Variants in SORCS2 observed in about 807,000 individuals in gnomAD.
SORCS2 encodes VPS10 domain-containing receptor SorCS2.
Under a neutral mutation model 141.6 loss-of-function variants are expected in SORCS2, and 100 were observed. That is an observed-to-expected ratio of 0.71 (90% CI 0.60 to 0.83). The LOEUF is 0.83. Among genes scored for constraint, SORCS2 ranks in the 40% least tolerant of loss-of-function variants. SORCS2 has a pLI of 0.00. For missense variants in SORCS2, 1,646 were observed against 1,560.2 expected, an observed-to-expected ratio of 1.05 and a Z score of -0.93; for synonymous variants, 789 against 676.9, an observed-to-expected ratio of 1.17 and a Z score of -2.57.
chr4:7,303,061 C>G (rs915849710), intron 1 of SORCS2, among the ~76,000 whole-genome samples: 4 of 152,262 alleles, frequency 2.6e-5, no homozygotes, highest in Middle Eastern at 3.4e-3. Context: ...GGCCAGTGCT[C>G]TGGGCCACTC....
intron 2 of SORCS2, chr4:7,430,874 A>C (rs1726798713): frequency 2.0e-5 from 3 of 152,218 alleles, no homozygotes; most frequent in Non-Finnish European, 4.4e-5. Flanking sequence ...CTTAAGCCTC[A>C]GTCTCAGTGC....
At chr4:7,328,600 C>T (rs1434524337) in intron 1 of SORCS2, among the ~76,000 whole-genome samples, 4 of 152,162 alleles carry the variant, frequency 2.6e-5, no homozygotes, top group African/African-American at 4.8e-5. Flanking sequence ...ATGCGAGAAG[C>T]GTTTCTGGAG....
chr4:7,404,599 T>C (rs995294215), intron 2 of SORCS2, among the ~76,000 whole-genome samples: 1 of 152,168 alleles, frequency 6.6e-6, no homozygotes, highest in Non-Finnish European at 1.5e-5. Context: ...TCTCTGATGA[T>C]TGGTGATGTT....
At chr4:7,259,871 C>T (rs1180036350) in intron 1 of SORCS2, among the ~76,000 whole-genome samples, 5 of 152,220 alleles carry the variant, frequency 3.3e-5, no homozygotes, top group South Asian at 2.1e-4. Flanking sequence ...TTTGCTCATG[C>T]GTGGAGCTGA....
At chr4:7,464,897 C>G (rs912454463) in intron 2 of SORCS2, among the ~76,000 whole-genome samples, 1 of 152,200 alleles carries the variant, frequency 6.6e-6, no homozygotes, top group East Asian at 1.9e-4. Flanking sequence ...TTCTAAAAGC[C>G]GGCGCCTCCG....
In SORCS2 at chr4:7,705,807, C is replaced by A. The variant is rs371853971; in HGVS notation, c.1868+1523C>A. Reference sequence around the variant, plus strand: ...TGGCCCCTGAATGCCCCAGAGGGGCCCACGTGGATAAGCCGCCCAAGAGTG... The same window carrying A: ...TGGCCCCTGAATGCCCCAGAGGGGCACACGTGGATAAGCCGCCCAAGAGTG... On this transcript the variant is annotated intron_variant, in intron 14 of 26. Coordinates refer to ENST00000507866, the MANE Select transcript of SORCS2 (RefSeq NM_020777.3). Among the ~76,000 whole-genome samples, 5 of 152,268 alleles carry A rather than the reference C, an allele frequency of 3.3e-5. No individual in the cohort carries two copies. The East Asian group carries it at 7.7e-4, about 23-fold the overall frequency.
At chr4:7,462,390 G>T (rs1729365708) in intron 2 of SORCS2, among the ~76,000 whole-genome samples, 1 of 152,222 alleles carries the variant, frequency 6.6e-6, no homozygotes, top group Non-Finnish European at 1.5e-5. Flanking sequence ...CGGGCTTCGG[G>T]AGGCTGGGAG....
intron 2 of SORCS2, among the ~76,000 whole-genome samples, chr4:7,445,106 G>C (rs1727903691): frequency 6.8e-6 from 1 of 146,002 alleles, no homozygotes; most frequent in South Asian, 2.1e-4. Context: ...TGCAAGATGG[G>C]CTGGCTGTCT....
intron 14 of SORCS2, among the ~76,000 whole-genome samples, chr4:7,710,381 G>A (rs1463461586): frequency 1.3e-5 from 2 of 152,184 alleles, no homozygotes; most frequent in Non-Finnish European, 1.5e-5. Context: ...GGTCACGCCT[G>A]GGCCCGGCCT....
At chr4:7,538,286 C>T (rs1358307739) in intron 3 of SORCS2, among the ~76,000 whole-genome samples, 2 of 152,224 alleles carry the variant, frequency 1.3e-5, no homozygotes, top group Non-Finnish European at 2.9e-5. Flanking sequence ...GCAGAATCAG[C>T]AGTCCCTGGC....
At chr4:7,382,832 CA>C (rs1284567587) in intron 1 of SORCS2, among the ~76,000 whole-genome samples, 2 of 152,120 alleles carry the variant, frequency 1.3e-5, no homozygotes, top group Non-Finnish European at 2.9e-5. Flanking sequence ...CTGCGGGGCC[CA>C]CGCCTCCTGC....
At chr4:7,674,572 TCAAAATAAA>T in intron 8 of SORCS2, among the ~76,000 whole-genome samples, 1 of 87,130 alleles carries the variant, frequency 1.1e-5, no homozygotes, top group Admixed American at 1.4e-4. Context: ...AGACTCTGTC[TCAAAATAAA>T]AAAAAAAAAA....
In SORCS2 at chr4:7,233,494, CTCAGGGTGAGCAGACACTTGCTGGGT is replaced by C. The variant is rs956288047; in HGVS notation, c.480+40387_480+40412del. Among the ~76,000 whole-genome samples the C allele has an allele frequency of 3.3e-5, 5 of 152,154 alleles. No individual in the cohort carries two copies. Among genetic ancestry groups the C allele is most frequent in the South Asian group, 4.1e-4 (2 of 4,826 alleles). On this transcript the variant is annotated intron_variant, in intron 1 of 26. Transcript: ENST00000507866. This position sits in a 1 kb window ranked among gnomAD's most constrained non-coding sequence, Gnocchi z 4.5. ...CAGTGCAGTACAGACCCTCGCTGGG[CTCAGGGTGAGCAGACACTTGCTGGGT>C]TCAGGGTGAGCAGACACTGGCAGCT...
chr4:7,437,476 C>T (rs1727384313), intron 2 of SORCS2, among the ~76,000 whole-genome samples: 1 of 152,106 alleles, frequency 6.6e-6, no homozygotes, highest in African/African-American at 2.4e-5. Flanking sequence ...CTCCAGCAGC[C>T]CCCACCCCTT....
At chr4:7,668,612 C>T (rs765751297) in intron 8 of SORCS2, among the ~76,000 whole-genome samples, 2 of 152,086 alleles carry the variant, frequency 1.3e-5, no homozygotes, top group Non-Finnish European at 2.9e-5. Context: ...TCTAGGAGGC[C>T]TTTTAAAACC....
chr4:7,399,833 C>T (rs1724457666), intron 2 of SORCS2, among the ~76,000 whole-genome samples: 4 of 152,138 alleles, frequency 2.6e-5, no homozygotes, highest in South Asian at 4.2e-4. Flanking sequence ...CCAGGGAAGG[C>T]GTGAGTTCAA....
chr4:7,532,601 G>A (rs752335444), intron 3 of SORCS2, among the ~76,000 whole-genome samples: 2 of 152,202 alleles, frequency 1.3e-5, no homozygotes, highest in African/African-American at 2.4e-5. Context: ...TGTTTCGATG[G>A]TTGCGCTGGT....
intron 2 of SORCS2, among the ~76,000 whole-genome samples, chr4:7,468,610 G>C (rs1419760608): frequency 1.3e-5 from 2 of 152,250 alleles, no homozygotes; most frequent in East Asian, 1.9e-4. Context: ...AAGCGTTCTT[G>C]TGCTTTCACA....
chr4:7,654,613 G>T (rs149164151), intron 5 of SORCS2, among the ~76,000 whole-genome samples: 3 of 152,098 alleles, frequency 2.0e-5, no homozygotes, highest in African/African-American at 4.8e-5. Context: ...CTCCCTGCCC[G>T]ACCCCAGGCC....
Sources: allele counts gnomAD v4.1 joint callset (sites outside exome capture counted in the v4.1 genomes callset), GRCh38; gene constraint gnomAD v4.1.1; non-coding constraint Gnocchi (gnomAD v3.1); transcripts MANE v1.5; gene names NCBI Gene and HGNC (gene_info 2026-07-23, HGNC 2026-07-21).